IGSF11: variants seen among roughly 807,000 people sequenced by gnomAD.
IGSF11 encodes immunoglobulin superfamily member 11.
A neutral mutation model predicts 41.0 loss-of-function variants in IGSF11; 22 were observed. The ratio of observed to expected loss-of-function variants is 0.54; its 90% CI spans 0.38 to 0.77. The LOEUF is 0.77. Ranked by LOEUF, IGSF11 falls within the 30% of genes least tolerant of loss-of-function variation. The pLI is 0.00. For missense variants in IGSF11, 444 were observed against 530.8 expected, an observed-to-expected ratio of 0.84 and a Z score of 1.61; for synonymous variants, 219 against 201.3, an observed-to-expected ratio of 1.09 and a Z score of -0.74.
chr3:119,022,926 T>C (rs935908676), intron 1 of IGSF11, among the ~76,000 whole-genome samples: 3 of 151,960 alleles, frequency 2.0e-5, no homozygotes, highest in African/African-American at 4.8e-5. Flanking sequence ...CACAAGAACA[T>C]TTGCAGCAGC....
At chr3:118,990,740 G>T (rs1935713079) in intron 1 of IGSF11, among the ~76,000 whole-genome samples, 1 of 152,092 alleles carries the variant, frequency 6.6e-6, no homozygotes, top group East Asian at 1.9e-4. Flanking sequence ...CAACTTGAGG[G>T]TCTCCACCTA....
intron 1 of IGSF11, among the ~76,000 whole-genome samples, chr3:119,099,721 C>A (rs1234297501): frequency 2.6e-5 from 4 of 152,146 alleles, no homozygotes; most frequent in Non-Finnish European, 5.9e-5. Context: ...TGAATGCCAT[C>A]AAGAAATCTG....
At chr3:119,064,657 A>C (rs1413978280) in intron 1 of IGSF11, among the ~76,000 whole-genome samples, 1 of 151,966 alleles carries the variant, frequency 6.6e-6, no homozygotes, top group Non-Finnish European at 1.5e-5. Flanking sequence ...AGGGCTCCCA[A>C]TCCAAGAACA....
At chr3:119,133,244 C>CA (rs1444375412) in intron 1 of IGSF11, among the ~76,000 whole-genome samples, 3 of 151,738 alleles carry the variant, frequency 2.0e-5, no homozygotes, top group African/African-American at 4.8e-5. Flanking sequence ...GATAGAGACA[C>CA]AAAAAAACCC....
Position 118,969,999 on chromosome 3 carries a change from AC to A in IGSF11, c.53-39725del, listed in dbSNP as rs376823268. Among the ~76,000 whole-genome samples the A allele has an allele frequency of 5.0e-3, 764 of 151,720 alleles. 5 individuals carry two copies. Among genetic ancestry groups the A allele is most frequent in the African/African-American group, 0.017 (719 of 41,314 alleles). ...CTGCGCATACAGGTATCTCCTCATCACCCCCTAAGTTATCCTTGCCATGGGA... is the reference window on the plus strand; with the variant it reads ...CTGCGCATACAGGTATCTCCTCATCACCCCTAAGTTATCCTTGCCATGGGA... On this transcript the variant is annotated intron_variant, in intron 1 of 6. Transcript: ENST00000393775.
At chr3:119,008,033 T>G (rs1937624953) in intron 1 of IGSF11, among the ~76,000 whole-genome samples, 1 of 152,182 alleles carries the variant, frequency 6.6e-6, no homozygotes. Context: ...TCTACTCCAT[T>G]CACTCCCCTC....
intron 1 of IGSF11, among the ~76,000 whole-genome samples, chr3:119,029,173 TACACACAC>T (rs66598029): frequency 0.013 from 1,478 of 111,550 alleles, 31 homozygotes; most frequent in East Asian, 0.068. Flanking sequence ...TTGGGGATAA[TACACACAC>T]ACACACACAC....
chr3:118,976,045 A>T (rs1170082483), intron 1 of IGSF11, among the ~76,000 whole-genome samples: 1 of 152,176 alleles, frequency 6.6e-6, no homozygotes, highest in Non-Finnish European at 1.5e-5. Flanking sequence ...TTTAAAAAAA[A>T]CAGAACATGA....
chr3:119,108,588 C>T (rs1244446412), upstream of IGSF11, among the ~76,000 whole-genome samples: 1 of 137,360 alleles, frequency 7.3e-6, no homozygotes, highest in Non-Finnish European at 1.6e-5. Flanking sequence ...ATTTCCTTCT[C>T]CTGCCTGATT....
At chr3:119,049,508 C>G (rs373920913) in intron 1 of IGSF11, among the ~76,000 whole-genome samples, 7 of 152,200 alleles carry the variant, frequency 4.6e-5, no homozygotes, top group Non-Finnish European at 7.4e-5. Context: ...AGGATACAAA[C>G]AAATGGAAGA....
In IGSF11 at chr3:118,901,502, C is replaced by T. The variant is rs571634056; in HGVS notation, c.*1018G>A. Reference sequence around the variant, plus strand: ...GTCAAATAAGGAGAAAGTTACATACCTCAGTACAAAAGGCATCAGGTGCTG... The same window carrying T: ...GTCAAATAAGGAGAAAGTTACATACTTCAGTACAAAAGGCATCAGGTGCTG... On this transcript the variant is annotated 3_prime_UTR_variant, in exon 7 of 7. Coordinates refer to ENST00000393775, the MANE Select transcript of IGSF11 (RefSeq NM_001015887.3). 6.6e-6 allele frequency: 1 copy of T among 152,162 alleles called. No individual in the cohort carries two copies. The highest frequency in any genetic ancestry group is 1.9e-4 in the East Asian group (1 of 5,188). The allele number at this position is 152,162 out of a possible 1,614,324, so 9.4% of individuals were successfully genotyped here.
intron 1 of IGSF11, among the ~76,000 whole-genome samples, chr3:118,998,781 T>A (rs1254828658): frequency 6.6e-6 from 1 of 152,082 alleles, no homozygotes; most frequent in African/African-American, 2.4e-5. Context: ...CTACGCTCAT[T>A]CCCAAAAGCA....
intron 1 of IGSF11, among the ~76,000 whole-genome samples, chr3:119,003,264 G>T (rs1937098189): frequency 1.4e-5 from 2 of 140,146 alleles, no homozygotes; most frequent in Non-Finnish European, 3.0e-5. Flanking sequence ...TCATGATTTG[G>T]CTCTCTGTTT....
intron 1 of IGSF11, among the ~76,000 whole-genome samples, chr3:119,130,861 G>A (rs1416953555): frequency 2.0e-5 from 3 of 151,782 alleles, no homozygotes; most frequent in African/African-American, 7.3e-5. Context: ...AATATTTGCT[G>A]TTCTGCAATA....
intron 1 of IGSF11, among the ~76,000 whole-genome samples, chr3:119,031,024 G>A (rs1425316170): frequency 1.3e-5 from 2 of 152,074 alleles, no homozygotes; most frequent in East Asian, 3.9e-4. Flanking sequence ...TGGGAGACTG[G>A]GGTGAGCAAA....
Position 118,928,414 on chromosome 3 carries a change from A to C in IGSF11, c.424+95T>G. The stretch of plus-strand genomic sequence containing the variant: ...GAGAAGACAGAAAAAGAACATAAGC[A>C]GACTGAAGGTGTAGAAACAAGGGCA... On this transcript the variant is annotated intron_variant, in intron 3 of 6. Transcript: ENST00000393775. 4.7e-6 allele frequency: 4 copies of C among 856,740 alleles called. No homozygotes were observed. The South Asian group carries it at 6.3e-5, about 13-fold the overall frequency. 53.1% of individuals were successfully genotyped at this position (856,740 alleles called of 1,614,324 possible). A position where few individuals can be genotyped will look rare whatever the true frequency, so the allele number is the denominator to read the frequency against.
chr3:119,059,613 G>T (rs1941990403), intron 1 of IGSF11, among the ~76,000 whole-genome samples: 1 of 151,990 alleles, frequency 6.6e-6, no homozygotes, highest in Admixed American at 6.6e-5. Context: ...AAGGGAAAGG[G>T]TATTGGTGGA....
chr3:119,110,060 T>C (rs1390368031), upstream of IGSF11, among the ~76,000 whole-genome samples: 2 of 152,126 alleles, frequency 1.3e-5, no homozygotes, highest in Admixed American at 6.6e-5. Flanking sequence ...AAAAAATGTA[T>C]ATTCTGTTGA....
chr3:118,932,759 G>C (rs1942958894), intron 1 of IGSF11, among the ~76,000 whole-genome samples: 1 of 152,164 alleles, frequency 6.6e-6, no homozygotes, highest in Non-Finnish European at 1.5e-5. Flanking sequence ...AATAAGTGTG[G>C]AAGCCAAACT....
Sources: gnomAD v4.1 joint callset for allele counts (sites outside exome capture counted in the v4.1 genomes callset) on GRCh38, gnomAD v4.1.1 for gene constraint, MANE v1.5 for transcripts, NCBI Gene and HGNC (gene_info 2026-07-23, HGNC 2026-07-21) for gene names.